Variants in EIF3H observed in about 807,000 individuals in gnomAD.
EIF3H encodes the protein eukaryotic translation initiation factor 3 subunit H.
In EIF3H, 26 loss-of-function variants were observed where a neutral mutation model predicts 44.2. That is an observed-to-expected ratio of 0.59 (90% CI 0.43 to 0.82). The LOEUF is 0.82. Ranked by LOEUF, EIF3H falls within the 40% of genes least tolerant of loss-of-function variation. The probability of loss-of-function intolerance (pLI) is 0.00; values close to 1 mark genes in which losing one functional copy is unlikely to be tolerated. For synonymous variants in EIF3H, 166 were observed against 151.9 expected, an observed-to-expected ratio of 1.09 and a Z score of -0.68; for missense variants, 359 against 432.8, an observed-to-expected ratio of 0.83 and a Z score of 1.51.
upstream of EIF3H, among the ~76,000 whole-genome samples, chr8:116,758,615 T>G (rs1815484468): frequency 6.6e-6 from 1 of 152,236 alleles, no homozygotes; most frequent in Admixed American, 6.5e-5. Context: ...TCAGCAAGTT[T>G]AAACCTCAAC....
chr8:116,662,535 A>G (rs889532858), intron 2 of EIF3H, among the ~76,000 whole-genome samples: 1 of 152,182 alleles, frequency 6.6e-6, no homozygotes, highest in Non-Finnish European at 1.5e-5. Flanking sequence ...CACAACTCAC[A>G]AACAGCCACA....
chr8:116,674,704 T>C (rs1017727349), intron 2 of EIF3H, among the ~76,000 whole-genome samples: 3 of 152,162 alleles, frequency 2.0e-5, no homozygotes, highest in African/African-American at 7.2e-5. Context: ...ACCAGTATTA[T>C]CCAACAGTCA....
At chr8:116,690,568 C>A (rs1313973148) in intron 2 of EIF3H, among the ~76,000 whole-genome samples, 4 of 152,096 alleles carry the variant, frequency 2.6e-5, no homozygotes, top group African/African-American at 9.7e-5. Flanking sequence ...GAAGTTCTAA[C>A]TGAGCTAAGG....
intron 1 of EIF3H, among the ~76,000 whole-genome samples, chr8:116,740,773 A>G (rs1037198589): frequency 3.3e-5 from 5 of 152,180 alleles, no homozygotes; most frequent in Non-Finnish European, 5.9e-5. Context: ...CCTGTAGTCT[A>G]CACAAACAGA....
intron 2 of EIF3H, among the ~76,000 whole-genome samples, chr8:116,680,213 G>T (rs1586452213): frequency 2.0e-5 from 1 of 49,608 alleles, no homozygotes; most frequent in East Asian, 4.5e-4. Flanking sequence ...GGGGGGGTCA[G>T]CCCCCCGCCC....
At chr8:116,761,722 G>A (rs1815520484) in intron 1 of EIF3H, among the ~76,000 whole-genome samples, 1 of 152,172 alleles carries the variant, frequency 6.6e-6, no homozygotes, top group South Asian at 2.1e-4. Context: ...GTCTAGTTTA[G>A]AAATATCCTC....
intron 7 of EIF3H, 35 bp downstream of exon 7, chr8:116,646,436 C>G: frequency 1.9e-6 from 3 of 1,613,844 alleles, no homozygotes; most frequent in Non-Finnish European, 1.7e-6. Context: ...AAGAAACGAA[C>G]AAAACCAGCC....
chr8:116,729,406 T>A (rs1191564002), intron 1 of EIF3H, among the ~76,000 whole-genome samples: 4 of 152,204 alleles, frequency 2.6e-5, no homozygotes, highest in Admixed American at 2.6e-4. Context: ...TATTGAAAAC[T>A]GTCTTAACTC....
intron 2 of EIF3H, among the ~76,000 whole-genome samples, chr8:116,693,303 G>C (rs1466805911): frequency 6.6e-6 from 1 of 152,152 alleles, no homozygotes; most frequent in African/African-American, 2.4e-5. Context: ...TTTAGCAACT[G>C]CTTGTTAGCT....
intron 1 of EIF3H, among the ~76,000 whole-genome samples, chr8:116,728,424 T>A (rs1442754111): frequency 6.6e-6 from 1 of 152,130 alleles, no homozygotes; most frequent in African/African-American, 2.4e-5. Context: ...AAGTAGGTTT[T>A]TAAACCTAGT....
At chr8:116,761,541 C>T (rs191839744) in intron 1 of EIF3H, among the ~76,000 whole-genome samples, 1 of 151,346 alleles carries the variant, frequency 6.6e-6, no homozygotes, top group East Asian at 1.9e-4. Flanking sequence ...TACATACATA[C>T]ATCTGTTAGA....
At chr8:116,744,210 G>T (rs1365840745) in intron 1 of EIF3H, among the ~76,000 whole-genome samples, 1 of 82,046 alleles carries the variant, frequency 1.2e-5, no homozygotes, top group South Asian at 4.5e-4. Flanking sequence ...AACATAGAAA[G>T]TATTAAAAAA....
upstream of EIF3H, among the ~76,000 whole-genome samples, chr8:116,760,078 G>A (rs1170410811): frequency 1.3e-5 from 2 of 152,150 alleles, no homozygotes; most frequent in African/African-American, 4.8e-5. Context: ...TGCTATCATG[G>A]ATCTGGATGT....
intron 2 of EIF3H, among the ~76,000 whole-genome samples, chr8:116,687,639 T>G (rs2366): frequency 0.1 from 15,615 of 152,200 alleles, 1,161 homozygotes; most frequent in African/African-American, 0.2. Flanking sequence ...TTTTATAGGA[T>G]TTTAAAACTG....
At chr8:116,648,022 G>A (rs751193487) in intron 6 of EIF3H, among the ~76,000 whole-genome samples, 2 of 152,060 alleles carry the variant, frequency 1.3e-5, no homozygotes. Flanking sequence ...AATGAACTCT[G>A]ATATTAAGAG....
intron 2 of EIF3H, among the ~76,000 whole-genome samples, chr8:116,719,622 T>A (rs1264224038): frequency 6.6e-6 from 1 of 152,136 alleles, no homozygotes; most frequent in African/African-American, 2.4e-5. Context: ...TCAGAAAATT[T>A]ATGAATATTT....
intron 1 of EIF3H, among the ~76,000 whole-genome samples, chr8:116,733,535 T>G (rs1468763169): frequency 6.6e-6 from 1 of 152,128 alleles, no homozygotes; most frequent in Non-Finnish European, 1.5e-5. Context: ...TCCTAAAGGT[T>G]TGGGGAACAG....
chr8:116,764,533 C>T (rs947186408), intron 1 of EIF3H, among the ~76,000 whole-genome samples: 2 of 152,180 alleles, frequency 1.3e-5, no homozygotes, highest in Non-Finnish European at 2.9e-5. Flanking sequence ...AATGTCACTT[C>T]CTCTTTGAAT....
At chr8:116,755,581 G>A in intron 1 of EIF3H, 85 bp downstream of exon 1, 5 of 1,577,252 alleles carry the variant, frequency 3.2e-6, no homozygotes, top group Middle Eastern at 1.7e-4. Flanking sequence ...AGCCCAAGGG[G>A]GAGAATGCTA....
Sources: gnomAD v4.1 joint callset for allele counts (sites outside exome capture counted in the v4.1 genomes callset) on GRCh38, gnomAD v4.1.1 for gene constraint, MANE v1.5 for transcripts, NCBI Gene and HGNC (gene_info 2026-07-23, HGNC 2026-07-21) for gene names.